Variants in LARGE1 observed in about 807,000 individuals in gnomAD.
LARGE1 encodes the protein LARGE xylosyl- and glucuronyltransferase 1.
In LARGE1, 43 loss-of-function variants were observed where a neutral mutation model predicts 87.6. The observed-to-expected ratio is 0.49, with a 90% CI of 0.38 to 0.63. The LOEUF (loss-of-function observed/expected upper bound fraction) is 0.63, where lower values mean the gene tolerates loss of function less well. LARGE1 is among the 30% of genes least tolerant of loss of function. LARGE1 has a pLI of 0.00. For missense variants in LARGE1, 802 were observed against 1,000.2 expected (o/e 0.80, Z 2.67); for synonymous variants, 434 against 394.6 (o/e 1.10, Z -1.18).
the LARGE1 span, among the ~76,000 whole-genome samples, chr22:33,075,381 T>C: frequency 6.6e-6 from 1 of 152,260 alleles, no homozygotes; most frequent in Non-Finnish European, 1.5e-5. Context: ...ATTTGTTTTA[T>C]CAAAAAATGT....
intron 9 of LARGE1, among the ~76,000 whole-genome samples, chr22:33,341,032 T>C (rs1939087187): frequency 6.7e-6 from 1 of 148,744 alleles, no homozygotes; most frequent in African/African-American, 2.6e-5. Context: ...TTGAACAGTA[T>C]ATCAAATGTA....
chr22:33,434,624 G>C (rs2067199138), intron 6 of LARGE1, among the ~76,000 whole-genome samples: 1 of 152,102 alleles, frequency 6.6e-6, no homozygotes. Context: ...ATTGAATTTA[G>C]GGGGTCCATC....
intron 6 of LARGE1, among the ~76,000 whole-genome samples, chr22:33,535,486 T>C (rs2077015474): frequency 6.6e-6 from 1 of 150,976 alleles, no homozygotes. Flanking sequence ...GAGGAAGCAG[T>C]GAGCTGAGAT....
chr22:33,696,588 G>A (rs2082259853), intron 2 of LARGE1, among the ~76,000 whole-genome samples: 1 of 152,042 alleles, frequency 6.6e-6, no homozygotes, highest in South Asian at 2.1e-4. Flanking sequence ...TTCTTTAAAG[G>A]GGATGAACCA....
intron 2 of LARGE1, among the ~76,000 whole-genome samples, chr22:33,719,682 G>A (rs1371737870): frequency 2.6e-5 from 4 of 151,992 alleles, no homozygotes; most frequent in Non-Finnish European, 4.4e-5. Context: ...CACAACGCCT[G>A]GCTAATTTTT....
At chr22:33,221,937 A>G (rs8139300) in intron 11 of LARGE1, among the ~76,000 whole-genome samples, 2,987 of 152,308 alleles carry the variant, frequency 0.02, 94 homozygotes, top group African/African-American at 0.066. Flanking sequence ...TAAAATATCT[A>G]TGGGCGGGCT....
chr22:33,512,676 G>A lies in LARGE1; in HGVS notation c.787+52172C>T, dbSNP rs539341865. ...AATTTAGCCGGGAGTGGTGGCAGGC[G>A]CCTGTAATCCCAGCTACTCGGGAGG... On this transcript the variant is annotated intron_variant, in intron 6 of 14. Transcript: ENST00000397394. Among the ~76,000 whole-genome samples, 335 of 152,190 alleles carry A rather than the reference G, an allele frequency of 2.2e-3. 2 individuals carry two copies. The highest frequency in any genetic ancestry group is 7.9e-3 in the African/African-American group (328 of 41,538).
chr22:33,838,020 A>G (rs548009727), intron 1 of LARGE1, among the ~76,000 whole-genome samples: 9 of 152,360 alleles, frequency 5.9e-5, no homozygotes, highest in African/African-American at 1.7e-4. Flanking sequence ...GCAACCACAG[A>G]TAAGAGGAAA....
At chr22:33,878,066 T>C (rs902472951) in intron 1 of LARGE1, among the ~76,000 whole-genome samples, 11 of 151,060 alleles carry the variant, frequency 7.3e-5, no homozygotes, top group Admixed American at 2.0e-4. Context: ...TACCTCTTTT[T>C]ACCTTTTTAA....
At chr22:33,243,251 T>C (rs1926603673) in intron 11 of LARGE1, among the ~76,000 whole-genome samples, 1 of 152,354 alleles carries the variant, frequency 6.6e-6, no homozygotes, top group African/African-American at 2.4e-5. Flanking sequence ...AAAACTTTAT[T>C]TAGATATAAT....
At chr22:33,315,970 C>T in intron 11 of LARGE1, 115 bp downstream of exon 11, 1 of 1,241,122 alleles carries the variant, frequency 8.1e-7, no homozygotes, top group Non-Finnish European at 1.1e-6. Flanking sequence ...TCTTCCTGCT[C>T]CATCCTCCAA....
At chr22:33,600,405 C>T (rs1397675247) in intron 5 of LARGE1, among the ~76,000 whole-genome samples, 1 of 152,162 alleles carries the variant, frequency 6.6e-6, no homozygotes, top group African/African-American at 2.4e-5. Flanking sequence ...AGATAGACAT[C>T]TATTAGCTCA....
At chr22:33,870,260 G>A (rs984588765) in intron 1 of LARGE1, among the ~76,000 whole-genome samples, 1 of 152,184 alleles carries the variant, frequency 6.6e-6, no homozygotes, top group Non-Finnish European at 1.5e-5. Context: ...CACAGTTTCA[G>A]AGAGCATGGC....
intron 1 of LARGE1, among the ~76,000 whole-genome samples, chr22:33,817,142 C>A (rs974392542): frequency 6.6e-6 from 1 of 152,148 alleles, no homozygotes. Context: ...ACACTGGAGG[C>A]TCGGCAGTTT....
chr22:33,415,566 A>T (rs1311826093), intron 7 of LARGE1, among the ~76,000 whole-genome samples: 1 of 152,182 alleles, frequency 6.6e-6, no homozygotes, highest in Non-Finnish European at 1.5e-5. Flanking sequence ...TTCAGGATGC[A>T]GCTGGGAAAA....
intron 11 of LARGE1, among the ~76,000 whole-genome samples, chr22:33,241,544 ATATATG>A (rs1237882301): frequency 6.6e-6 from 1 of 151,768 alleles, no homozygotes; most frequent in Admixed American, 6.6e-5. Context: ...ATATATGTGT[ATATATG>A]TATATGTATA....
chr22:33,100,937 C>T, the LARGE1 span, among the ~76,000 whole-genome samples: 1 of 151,872 alleles, frequency 6.6e-6, no homozygotes, highest in African/African-American at 2.4e-5. Context: ...AGGCAGACTC[C>T]CAAGTTCAAG....
intron 2 of LARGE1, among the ~76,000 whole-genome samples, chr22:33,741,612 A>T (rs1422339758): frequency 6.6e-6 from 1 of 152,190 alleles, no homozygotes; most frequent in Non-Finnish European, 1.5e-5. Context: ...CGAGAAGAGC[A>T]GGCTTCTGGC....
intron 6 of LARGE1, among the ~76,000 whole-genome samples, chr22:33,450,569 T>C (rs1057449218): frequency 1.3e-5 from 2 of 151,946 alleles, no homozygotes; most frequent in Non-Finnish European, 2.9e-5. Flanking sequence ...GCCAAGATAC[T>C]GCACTCCTGC....
Sources: gnomAD v4.1 joint callset for allele counts (sites outside exome capture counted in the v4.1 genomes callset) on GRCh38, gnomAD v4.1.1 for gene constraint, MANE v1.5 for transcripts, NCBI Gene and HGNC (gene_info 2026-07-23, HGNC 2026-07-21) for gene names.